Variants in TEX36 observed in about 807,000 individuals in gnomAD.
The protein encoded by TEX36 is testis expressed 36.
TEX36 carries 12 observed loss-of-function variants against 13.6 expected under a neutral mutation model. The ratio of observed to expected loss-of-function variants is 0.88; its 90% confidence interval spans 0.56 to 1.43. The LOEUF (loss-of-function observed/expected upper bound fraction) is 1.43, where lower values mean the gene tolerates loss of function less well. TEX36 is among the 40% of genes most tolerant of loss of function. TEX36 has a pLI of 0.00. For missense variants in TEX36, 224 were observed against 228.3 expected, an observed-to-expected ratio of 0.98 and a Z score of 0.12; for synonymous variants, 93 against 83.0, an observed-to-expected ratio of 1.12 and a Z score of -0.65.
chr10:125,606,517 G>A (rs776800253), intron 3 of TEX36, among the ~76,000 whole-genome samples: 9 of 152,144 alleles, frequency 5.9e-5, no homozygotes, highest in Non-Finnish European at 1.3e-4. Context: ...TTATGGCTGG[G>A]ATGGCTACCA....
At chr10:125,679,101 T>C (rs898974976) in intron 1 of TEX36, among the ~76,000 whole-genome samples, 5 of 151,032 alleles carry the variant, frequency 3.3e-5, no homozygotes, top group African/African-American at 1.2e-4. Context: ...CAGTAGCCCA[T>C]GTCTAGCTTG....
chr10:125,667,372 AG>A, intron 1 of TEX36: 2 of 645,262 alleles, frequency 3.1e-6, no homozygotes, highest in Non-Finnish European at 3.0e-6. Flanking sequence ...GGTCCCCATT[AG>A]GGGGGATCTC....
chr10:125,577,691 C>T (rs1845841050), intron 3 of TEX36, among the ~76,000 whole-genome samples: 1 of 152,202 alleles, frequency 6.6e-6, no homozygotes, highest in Non-Finnish European at 1.5e-5. Flanking sequence ...ATAGTCCTGC[C>T]ATATTGTATA....
intron 3 of TEX36, among the ~76,000 whole-genome samples, chr10:125,595,263 G>T (rs1355280415): frequency 6.6e-6 from 1 of 151,828 alleles, no homozygotes; most frequent in Non-Finnish European, 1.5e-5. Flanking sequence ...TAATAAATAG[G>T]TTGTCCCTCC....
intron 3 of TEX36, among the ~76,000 whole-genome samples, chr10:125,657,601 T>A (rs1846969348): frequency 6.6e-6 from 1 of 152,164 alleles, no homozygotes; most frequent in African/African-American, 2.4e-5. Flanking sequence ...AATGTGACTA[T>A]GAAATGTACT....
At chr10:125,586,607 T>C (rs527756179) in intron 3 of TEX36, among the ~76,000 whole-genome samples, 39 of 138,602 alleles carry the variant, frequency 2.8e-4, no homozygotes, top group African/African-American at 1.1e-3. Flanking sequence ...CTGAACAACA[T>C]TGTGAAACTC....
intron 3 of TEX36, among the ~76,000 whole-genome samples, chr10:125,640,568 T>C (rs985986700): frequency 6.6e-6 from 1 of 152,208 alleles, no homozygotes; most frequent in African/African-American, 2.4e-5. Context: ...TTTTGGTTTG[T>C]TTTGATGGGT....
chr10:125,656,074 G>C lies in TEX36; in HGVS notation c.387C>G (p.Tyr129Ter). 6.4e-7 allele frequency: 1 copy of C among 1,551,532 alleles called. No individual in the cohort carries two copies. Among genetic ancestry groups the C allele is most frequent in the South Asian group, 1.2e-5 (1 of 84,044 alleles). The change falls in exon 4 of 4, where the codon TAC becomes TAG. Residue 129 changes from tyrosine (Y) to a stop codon, truncating the protein, a stop_gained. Coordinates refer to ENST00000368821, the MANE Select transcript of TEX36 (RefSeq NM_001128202.3). LOFTEE classifies it low-confidence loss of function (END_TRUNC). ...LDGFSNNQIS[Y>*]VYKEAMVVSS... is the part of the protein sequence containing the mutation. ...AGACCACCATGGCTTCTTTATATAC[G>C]TATGATATTTGGTTATTTGAAAAGC...
intron 1 of TEX36, among the ~76,000 whole-genome samples, chr10:125,669,234 T>C (rs1411626743): frequency 6.6e-6 from 1 of 152,092 alleles, no homozygotes; most frequent in Non-Finnish European, 1.5e-5. Context: ...GAGGTTGCAG[T>C]GAGCAGAGAT....
At chr10:125,621,533 G>T, downstream of TEX36, 1 of 449,634 alleles carries the variant, frequency 2.2e-6, no homozygotes, top group South Asian at 1.6e-5. Context: ...ATTAGTCAGG[G>T]CTCTCCAGAG....
chr10:125,659,046 A>C (rs142844268), intron 3 of TEX36, among the ~76,000 whole-genome samples: 2,647 of 152,288 alleles, frequency 0.017, 77 homozygotes, highest in African/African-American at 0.059. Context: ...AATACGTATC[A>C]GCAAAATCTA....
chr10:125,649,959 T>G (rs1003384392), intron 3 of TEX36, among the ~76,000 whole-genome samples: 2 of 152,188 alleles, frequency 1.3e-5, no homozygotes, highest in South Asian at 4.1e-4. Context: ...ATCCTAAATA[T>G]ATATGCACCC....
intron 1 of TEX36, among the ~76,000 whole-genome samples, chr10:125,669,015 A>G (rs1847173731): frequency 6.6e-6 from 1 of 151,958 alleles, no homozygotes; most frequent in Non-Finnish European, 1.5e-5. Flanking sequence ...GAAAGTTGCC[A>G]GGTGCAGTGG....
intron 3 of TEX36, among the ~76,000 whole-genome samples, chr10:125,592,931 C>A (rs947594979): frequency 6.6e-6 from 1 of 152,182 alleles, no homozygotes; most frequent in African/African-American, 2.4e-5. Context: ...GCTTCCATGT[C>A]CTCTCAGGGG....
chr10:125,597,720 G>T (rs1344383116), intron 3 of TEX36, among the ~76,000 whole-genome samples: 1 of 152,190 alleles, frequency 6.6e-6, no homozygotes, highest in Non-Finnish European at 1.5e-5. Flanking sequence ...AGGCCCCACA[G>T]GAAGAAATTT....
downstream of TEX36, among the ~76,000 whole-genome samples, chr10:125,621,219 A>G (rs1028422518): frequency 2.6e-5 from 4 of 152,166 alleles, no homozygotes; most frequent in African/African-American, 9.7e-5. Flanking sequence ...TATACCCAGG[A>G]GCGGAATTGC....
downstream of TEX36, among the ~76,000 whole-genome samples, chr10:125,617,790 T>C (rs1846377738): frequency 6.6e-6 from 1 of 152,190 alleles, no homozygotes; most frequent in Non-Finnish European, 1.5e-5. Context: ...TCGAGGATTA[T>C]CTTTGTGGCG....
At chr10:125,666,963 C>T (rs866821617) in intron 1 of TEX36, 5 of 959,128 alleles carry the variant, frequency 5.2e-6, no homozygotes, top group Middle Eastern at 2.7e-4. Flanking sequence ...ACAGGCCAGG[C>T]TGTTGGCCAC....
rs967647844 is a variant in TEX36 at position 125,661,792 on chromosome 10, GC to G, written c.183+53del. 4.1e-5 allele frequency: 63 copies of G among 1,539,442 alleles called. No individual in the cohort carries two copies. In the African/African-American group the frequency reaches 8.1e-4, roughly 20 times the overall value. On this transcript the variant is annotated intron_variant, in intron 2 of 3. Transcript: ENST00000368821. ...TTTGGCCCAACGTGCCAGCGGCGCT[GC>G]CCCCTGGGAGGTCCACAGGAGCACA... is the stretch of plus-strand genomic sequence containing the variant.
Sources: allele counts gnomAD v4.1 joint callset (sites outside exome capture counted in the v4.1 genomes callset), GRCh38; gene constraint gnomAD v4.1.1; transcripts MANE v1.5; gene names NCBI Gene and HGNC (gene_info 2026-07-23, HGNC 2026-07-21).